The following ASTN2 variants were observed in gnomAD, a reference collection of about 807,000 sequenced individuals.
ASTN2 encodes the protein astrotactin 2.
ASTN2 carries 54 observed loss-of-function variants against 139.8 expected under a neutral mutation model. The observed-to-expected ratio is 0.39, with a 90% CI of 0.31 to 0.48. The LOEUF is 0.48. ASTN2 is among the 20% of genes least tolerant of loss of function. The pLI is 0.95. For missense variants in ASTN2, 1,565 were observed against 1,725.1 expected (o/e 0.91, Z 1.64); for synonymous variants, 756 against 719.5 (o/e 1.05, Z -0.81).
chr9:116,602,307 G>C (rs564141296), intron 19 of ASTN2, among the ~76,000 whole-genome samples: 1 of 152,092 alleles, frequency 6.6e-6, no homozygotes, highest in African/African-American at 2.4e-5. Flanking sequence ...TTTTGATGCT[G>C]GAAGATGCAA....
In ASTN2 at chr9:116,698,990, C is replaced by T. The variant is rs765874460; in HGVS notation, c.2806+26781G>A. 6 of 1,614,032 alleles carry T rather than the reference C, an allele frequency of 3.7e-6. No homozygotes were observed. The South Asian group carries it at 4.4e-5, about 12-fold the overall frequency. ...GCCGCAGCCCCAGTGGCATTGATAG[C>T]TTTGTGCTAAGCTTCCTTGGGGCAG... is the stretch of plus-strand genomic sequence containing the variant. On this transcript the variant is annotated intron_variant, in intron 16 of 22. Coordinates refer to ENST00000313400, the MANE Select transcript of ASTN2 (RefSeq NM_001365068.1). The surrounding 1 kb of genome is among the most constrained non-coding windows in gnomAD (Gnocchi z 4.4).
At chr9:117,161,453 G>C (rs750138236) in intron 3 of ASTN2, among the ~76,000 whole-genome samples, 7 of 152,056 alleles carry the variant, frequency 4.6e-5, no homozygotes, top group Non-Finnish European at 7.4e-5. Flanking sequence ...GAGTGCAGTG[G>C]TGCAATCTCG....
intron 3 of ASTN2, among the ~76,000 whole-genome samples, chr9:117,156,743 C>T (rs990947574): frequency 1.8e-4 from 27 of 151,988 alleles, no homozygotes; most frequent in African/African-American, 6.5e-4. Flanking sequence ...TAAACGTGAA[C>T]TAAAAGGCAG....
intron 2 of ASTN2, among the ~76,000 whole-genome samples, chr9:117,241,217 CAT>C (rs1334764511): frequency 6.6e-6 from 1 of 152,192 alleles, no homozygotes; most frequent in Non-Finnish European, 1.5e-5. Flanking sequence ...CGGCATGACT[CAT>C]GAGTTCTTTC....
At chr9:117,149,144 C>T (rs1316115822) in intron 3 of ASTN2, among the ~76,000 whole-genome samples, 4 of 151,992 alleles carry the variant, frequency 2.6e-5, no homozygotes, top group African/African-American at 4.8e-5. Flanking sequence ...CTCAGACTCC[C>T]GAGTAGCTGG....
chr9:117,402,824 G>A (rs1830873921), intron 1 of ASTN2, among the ~76,000 whole-genome samples: 1 of 152,044 alleles, frequency 6.6e-6, no homozygotes, highest in South Asian at 2.1e-4. Flanking sequence ...TAGGTCTCCA[G>A]GAAAAGAAAA....
At chr9:116,898,613 C>T (rs558838733) in intron 10 of ASTN2, among the ~76,000 whole-genome samples, 8 of 152,234 alleles carry the variant, frequency 5.3e-5, no homozygotes, top group Admixed American at 2.0e-4. Flanking sequence ...TGTTTATTCC[C>T]TGCTCTCTTA....
intron 1 of ASTN2, among the ~76,000 whole-genome samples, chr9:117,412,977 G>T (rs1248138678): frequency 1.3e-5 from 2 of 152,128 alleles, no homozygotes; most frequent in Non-Finnish European, 1.5e-5. Context: ...TGCTTGGTGC[G>T]TCGCACCCCA....
At chr9:117,317,293 G>A (rs971056346) in intron 1 of ASTN2, among the ~76,000 whole-genome samples, 2 of 152,052 alleles carry the variant, frequency 1.3e-5, no homozygotes, top group Admixed American at 6.5e-5. Flanking sequence ...GCCTCCTTCC[G>A]TGTTTCTCAT....
chr9:116,747,054 C>G (rs540545003), intron 13 of ASTN2, among the ~76,000 whole-genome samples: 1 of 152,152 alleles, frequency 6.6e-6, no homozygotes, highest in Non-Finnish European at 1.5e-5. Context: ...CCTCCCTTGC[C>G]GTCCTTCCTT....
intron 10 of ASTN2, among the ~76,000 whole-genome samples, chr9:116,923,793 G>A (rs1174898043): frequency 6.6e-6 from 1 of 152,188 alleles, no homozygotes; most frequent in Non-Finnish European, 1.5e-5. Context: ...TCTGACCCAT[G>A]CAAGGGTTCT....
intron 5 of ASTN2, among the ~76,000 whole-genome samples, chr9:117,082,897 A>AT (rs1828465615): frequency 6.6e-6 from 1 of 152,148 alleles, no homozygotes; most frequent in African/African-American, 2.4e-5. Context: ...CAGACATGCC[A>AT]TTTTTTAGAG....
chr9:117,010,825 G>A (rs1033222886), intron 6 of ASTN2, among the ~76,000 whole-genome samples: 1 of 152,162 alleles, frequency 6.6e-6, no homozygotes. Context: ...GGGCTGGGAT[G>A]GTCCTTCAGT....
chr9:116,889,265 T>A (rs1019992428), intron 10 of ASTN2, among the ~76,000 whole-genome samples: 4 of 152,192 alleles, frequency 2.6e-5, no homozygotes, highest in African/African-American at 9.6e-5. Flanking sequence ...AGCAGGGAAC[T>A]GCCATGTCTC....
intron 6 of ASTN2, among the ~76,000 whole-genome samples, chr9:117,016,610 CTATATCTATCTATCTA>C (rs1421710848): frequency 0.011 from 242 of 22,404 alleles, 21 homozygotes; most frequent in African/African-American, 0.034. Context: ...ATATCTATAT[CTATATCTATCTATCTA>C]TATATATATA....
At chr9:116,632,761 C>T (rs1188792452) in intron 17 of ASTN2, among the ~76,000 whole-genome samples, 3 of 152,164 alleles carry the variant, frequency 2.0e-5, no homozygotes, top group Admixed American at 2.0e-4. Flanking sequence ...TTTGAAAACC[C>T]TTCCTTGATT....
intron 1 of ASTN2, among the ~76,000 whole-genome samples, chr9:117,350,697 A>C (rs1829361346): frequency 6.6e-6 from 1 of 152,182 alleles, no homozygotes; most frequent in African/African-American, 2.4e-5. Context: ...ATGGCAGAGC[A>C]CGCTGGGCAG....
chr9:117,003,861 G>T (rs1837266527), intron 7 of ASTN2, among the ~76,000 whole-genome samples: 1 of 151,400 alleles, frequency 6.6e-6, no homozygotes, highest in Non-Finnish European at 1.5e-5. Flanking sequence ...AATCTAAGGG[G>T]CCAGATGCAG....
At chr9:116,798,500 C>T (rs1046872869) in intron 13 of ASTN2, among the ~76,000 whole-genome samples, 6 of 152,194 alleles carry the variant, frequency 3.9e-5, no homozygotes, top group Admixed American at 3.9e-4. Flanking sequence ...ACCACTTTAG[C>T]TGTTTGACTG....
Sources: gnomAD v4.1 joint callset for allele counts (sites outside exome capture counted in the v4.1 genomes callset) on GRCh38, gnomAD v4.1.1 for gene constraint, Gnocchi (gnomAD v3.1) non-coding constraint, MANE v1.5 for transcripts, NCBI Gene and HGNC (gene_info 2026-07-23, HGNC 2026-07-21) for gene names.